The following CEP112 variants were observed in gnomAD, a reference collection of about 807,000 sequenced individuals.
CEP112 encodes the protein centrosomal protein of 112 kDa.
A neutral mutation model predicts 153.0 loss-of-function variants in CEP112; 127 were observed. That is an observed-to-expected ratio of 0.83 (90% CI 0.72 to 0.96). CEP112 has a LOEUF of 0.96. CEP112 is among the 40% of genes least tolerant of loss of function. The probability of loss-of-function intolerance (pLI) is 0.00; values close to 1 mark genes in which losing one functional copy is unlikely to be tolerated. For missense variants in CEP112, 1,089 were observed against 1,101.2 expected, an observed-to-expected ratio of 0.99 and a Z score of 0.16; for synonymous variants, 358 against 374.4, an observed-to-expected ratio of 0.96 and a Z score of 0.51.
chr17:65,938,590 G>C (rs949802915), intron 18 of CEP112, among the ~76,000 whole-genome samples: 12 of 152,082 alleles, frequency 7.9e-5, no homozygotes, highest in Admixed American at 4.6e-4. Flanking sequence ...AGAAGTCCTA[G>C]CCAGAGTAAT....
chr17:65,743,869 C>A (rs2051280768), intron 22 of CEP112, among the ~76,000 whole-genome samples: 1 of 151,736 alleles, frequency 6.6e-6, no homozygotes, highest in Admixed American at 6.6e-5. Flanking sequence ...TCAAGTGATT[C>A]TCCTGCTTCA....
At chr17:65,736,719 G>A (rs1294645649) in intron 23 of CEP112, among the ~76,000 whole-genome samples, 4 of 152,186 alleles carry the variant, frequency 2.6e-5, no homozygotes, top group African/African-American at 9.7e-5. Context: ...GTTCACAGAT[G>A]TTCACGGTCT....
At chr17:66,168,107 T>C (rs1180599662) in intron 4 of CEP112, among the ~76,000 whole-genome samples, 1 of 152,206 alleles carries the variant, frequency 6.6e-6, no homozygotes, top group African/African-American at 2.4e-5. Context: ...CTGAACAGTA[T>C]CTATCAAAAT....
At chr17:65,640,154 A>ATATATATATTT (rs1300751452) in intron 25 of CEP112, among the ~76,000 whole-genome samples, 60 of 78,340 alleles carry the variant, frequency 7.7e-4, no homozygotes, top group African/African-American at 3.9e-3. Flanking sequence ...ATATATATAT[A>ATATATATATTT]TTTTTTTTTT....
intron 12 of CEP112, among the ~76,000 whole-genome samples, chr17:66,046,381 A>G (rs773844679): frequency 5.9e-5 from 9 of 152,110 alleles, no homozygotes; most frequent in African/African-American, 7.2e-5. Flanking sequence ...GAAAGCATAC[A>G]CCATACTAGT....
At chr17:65,881,588 C>T (rs2287243) in intron 20 of CEP112, among the ~76,000 whole-genome samples, 24,081 of 152,176 alleles carry the variant, frequency 0.16, 2,489 homozygotes, top group South Asian at 0.3. Flanking sequence ...AATTAACTAT[C>T]CTCAATTATA....
At chr17:65,936,380 CA>C (rs1302787719) in intron 18 of CEP112, among the ~76,000 whole-genome samples, 1 of 152,106 alleles carries the variant, frequency 6.6e-6, no homozygotes, top group Non-Finnish European at 1.5e-5. Flanking sequence ...AAACTCTTCC[CA>C]AAAAACTGAA....
intron 21 of CEP112, among the ~76,000 whole-genome samples, chr17:65,771,402 CAG>C: frequency 6.6e-6 from 1 of 152,180 alleles, no homozygotes; most frequent in Middle Eastern, 3.4e-3. Context: ...CAAAACCTGA[CAG>C]AAATGAAAGG....
chr17:66,188,273 C>T (rs1281703781), intron 1 of CEP112, among the ~76,000 whole-genome samples: 1 of 132,012 alleles, frequency 7.6e-6, no homozygotes, highest in Non-Finnish European at 1.6e-5. Flanking sequence ...CTGTCTCTCA[C>T]ACCACACACA....
At chr17:65,987,689 TATGAGA>T (rs1555750028) in intron 17 of CEP112, among the ~76,000 whole-genome samples, 1 of 152,008 alleles carries the variant, frequency 6.6e-6, no homozygotes, top group Non-Finnish European at 1.5e-5. Flanking sequence ...AGAACTCAAA[TATGAGA>T]ATGAGGCAGT....
chr17:65,854,493 C>G lies in CEP112; in HGVS notation c.2164-2459G>C, dbSNP rs548311428. On this transcript the variant is annotated intron_variant, in intron 20 of 26. Coordinates refer to ENST00000535342, the MANE Select transcript of CEP112 (RefSeq NM_001199165.4). The stretch of plus-strand genomic sequence containing the variant: ...ACTAGACTGGAAAAGACATCTAGAA[C>G]AGTAACATTTGTGTTAGAGGAAAGA... 1.2e-4 allele frequency among the ~76,000 whole-genome samples: 19 copies of G among 152,290 alleles called. No homozygotes were observed. The South Asian group carries it at 3.9e-3, about 32-fold the overall frequency.
chr17:65,729,496 C>T (rs888238007), intron 23 of CEP112, among the ~76,000 whole-genome samples: 2 of 152,066 alleles, frequency 1.3e-5, no homozygotes, highest in Admixed American at 1.3e-4. Flanking sequence ...ATTTTGGTTG[C>T]TAAGGCTTAC....
At chr17:65,785,946 A>C (rs550610003) in intron 21 of CEP112, among the ~76,000 whole-genome samples, 1 of 152,134 alleles carries the variant, frequency 6.6e-6, no homozygotes, top group Non-Finnish European at 1.5e-5. Flanking sequence ...TCAGTGTGTC[A>C]ATTTATACTA....
At chr17:65,939,814 T>G (rs911045189) in intron 18 of CEP112, among the ~76,000 whole-genome samples, 2 of 152,180 alleles carry the variant, frequency 1.3e-5, no homozygotes, top group Non-Finnish European at 2.9e-5. Flanking sequence ...GAAAGCTTCC[T>G]GACATCAGTC....
chr17:65,691,072 G>C (rs7208372), intron 23 of CEP112, among the ~76,000 whole-genome samples: 1,755 of 152,244 alleles, frequency 0.012, 37 homozygotes, highest in African/African-American at 0.04. Context: ...GGCCCTGAAG[G>C]AGTGGAAGCA....
intron 21 of CEP112, among the ~76,000 whole-genome samples, chr17:65,770,731 T>G (rs968117423): frequency 6.6e-5 from 10 of 152,092 alleles, no homozygotes; most frequent in Admixed American, 6.6e-4. Flanking sequence ...AACTTACATT[T>G]TATATGATCT....
In CEP112 at chr17:66,136,363, G is replaced by C. The variant is rs182078040; in HGVS notation, c.471-3600C>G. Among the ~76,000 whole-genome samples the C allele has an allele frequency of 1.2e-3, 176 of 152,126 alleles. 4 individuals are homozygous for C. The highest frequency in any genetic ancestry group is 0.01 in the Admixed American group (155 of 15,268). ...CTGGCTTTTGGAAGGGGCTGCCTAA[G>C]GGACCGGATTCTGCAAGTACTCACA... On this transcript the variant is annotated intron_variant, in intron 4 of 26. Transcript: ENST00000535342.
chr17:65,712,956 A>T (rs1319115038), intron 23 of CEP112, among the ~76,000 whole-genome samples: 1 of 152,240 alleles, frequency 6.6e-6, no homozygotes, highest in African/African-American at 2.4e-5. Flanking sequence ...GTCAGGAAAG[A>T]GAAAACTGGA....
intron 20 of CEP112, among the ~76,000 whole-genome samples, chr17:65,859,890 G>A (rs8075398): frequency 0.12 from 18,453 of 149,226 alleles, 1,207 homozygotes; most frequent in African/African-American, 0.14. Flanking sequence ...GTGTGGTGGC[G>A]GGCGCCTCCA....
Sources: allele counts gnomAD v4.1 joint callset (sites outside exome capture counted in the v4.1 genomes callset), GRCh38; gene constraint gnomAD v4.1.1; transcripts MANE v1.5; gene names NCBI Gene and HGNC (gene_info 2026-07-23, HGNC 2026-07-21).